The following KYAT1 variants were observed in gnomAD, a reference collection of about 807,000 sequenced individuals.
KYAT1 encodes the protein kynurenine aminotransferase 1, also known as kynurenine--oxoglutarate transaminase 1.
KYAT1 carries 47 observed loss-of-function variants against 52.4 expected under a neutral mutation model. The ratio of observed to expected loss-of-function variants is 0.90; its 90% CI spans 0.71 to 1.14. KYAT1 has a LOEUF of 1.14. Among genes scored for constraint, KYAT1 ranks in the 50% most tolerant of loss-of-function variants. KYAT1 has a pLI of 0.00. For missense variants in KYAT1, 480 were observed against 557.9 expected (o/e 0.86, Z 1.41); for synonymous variants, 212 against 209.6 (o/e 1.01, Z -0.10).
intron 2 of KYAT1, among the ~76,000 whole-genome samples, chr9:128,843,482 G>A (rs1247420757): frequency 9.2e-5 from 14 of 151,640 alleles, no homozygotes; most frequent in South Asian, 2.1e-4. Flanking sequence ...GAGGTCAAGC[G>A]ATTCTCATGC....
rs771636502 is a variant in KYAT1 at position 128,837,687 on chromosome 9, T to G, written c.565A>C (p.Lys189Gln). The change falls in exon 6 of 13, where the codon AAG becomes CAG. Residue 189 changes from lysine (K) to glutamine (Q), a missense_variant and splice_region_variant. Transcript: ENST00000302586. Reference sequence around the variant, plus strand: ...AGGGAAGGAGGTCCCTCCAGTACCTTGCCCAGGGGGTTGTTGGGGGTGTTG... The same window carrying G: ...AGGGAAGGAGGTCCCTCCAGTACCTGGCCCAGGGGGTTGTTGGGGGTGTTG... ...VLNTPNNPLGKVFSREELELV... is the reference protein window; with the variant it reads ...VLNTPNNPLGQVFSREELELV... 6.2e-7 allele frequency: 1 copy of G among 1,614,112 alleles called. No homozygotes were observed. The highest frequency in any genetic ancestry group is 8.5e-7 in the Non-Finnish European group (1 of 1,180,006).
chr9:128,857,618 T>C (rs929265885), intron 1 of KYAT1, among the ~76,000 whole-genome samples: 2 of 151,886 alleles, frequency 1.3e-5, no homozygotes, highest in Non-Finnish European at 2.9e-5. Flanking sequence ...AGGCGGATCA[T>C]AAGGTCAGGA....
chr9:128,836,509 G>A (rs1470389582), intron 7 of KYAT1, among the ~76,000 whole-genome samples: 1 of 152,144 alleles, frequency 6.6e-6, no homozygotes, highest in East Asian at 1.9e-4. Flanking sequence ...ATGTTGGCCA[G>A]GCTGGTCTCA....
intron 1 of KYAT1, among the ~76,000 whole-genome samples, chr9:128,873,302 G>A (rs1329360517): frequency 6.7e-6 from 1 of 149,758 alleles, no homozygotes; most frequent in Non-Finnish European, 1.5e-5. Context: ...CCGGGAATTG[G>A]AGACTAGCCT....
chr9:128,882,090 G>C (rs1047393669), upstream of KYAT1: 1 of 152,270 alleles, frequency 6.6e-6, no homozygotes, highest in Non-Finnish European at 1.5e-5. Context: ...TGGCCGCCGC[G>C]TTCGCGCCCG....
chr9:128,865,328 TA>T lies in KYAT1; in HGVS notation c.-7+16568del, dbSNP rs1564491390. ...GCCTACATATATATATATATATATA[TA>T]TATATATATATATATATATATATAT... On this transcript the variant is annotated intron_variant, in intron 1 of 12. Transcript: ENST00000302586. Among the ~76,000 whole-genome samples the T allele has an allele frequency of 5.1e-3, 186 of 36,636 alleles. 24 individuals are homozygous for T. The highest frequency in any genetic ancestry group is 7.0e-3 in the South Asian group (8 of 1,136). The allele number at this position is 36,636 out of a possible 152,430, so 24.0% of individuals were successfully genotyped here.
chr9:128,869,602 G>A (rs751232564), intron 1 of KYAT1, among the ~76,000 whole-genome samples: 7 of 151,958 alleles, frequency 4.6e-5, no homozygotes, highest in Non-Finnish European at 8.8e-5. Flanking sequence ...CAACAACTTC[G>A]AAAATTTTTA....
intron 1 of KYAT1, among the ~76,000 whole-genome samples, chr9:128,868,322 G>A (rs1458575099): frequency 1.3e-5 from 2 of 151,672 alleles, no homozygotes; most frequent in African/African-American, 2.4e-5. Flanking sequence ...CACCCACCTC[G>A]GCCTCCCAAA....
intron 1 of KYAT1, among the ~76,000 whole-genome samples, chr9:128,867,155 A>T (rs1222121301): frequency 6.6e-6 from 1 of 152,026 alleles, no homozygotes; most frequent in East Asian, 1.9e-4. Flanking sequence ...CCACTCTTTG[A>T]CTCAACACTT....
chr9:128,837,902 G>C, intron 5 of KYAT1, 89 bp from the exon 6 acceptor site: 1 of 1,527,624 alleles, frequency 6.5e-7, no homozygotes, highest in Non-Finnish European at 9.1e-7. Context: ...CTCTCCCCTG[G>C]GATCCCAACA....
intron 6 of KYAT1, 26 bp from the exon 7 acceptor site, chr9:128,836,948 A>T (rs754162376): frequency 6.2e-7 from 1 of 1,605,320 alleles, no homozygotes; most frequent in Admixed American, 1.7e-5. Flanking sequence ...GAGAGCACAG[A>T]CCTGCAGCTG....
intron 6 of KYAT1, among the ~76,000 whole-genome samples, chr9:128,837,131 T>C (rs889080363): frequency 1.3e-5 from 2 of 152,058 alleles, no homozygotes; most frequent in African/African-American, 4.8e-5. Flanking sequence ...CCGTCTCTAC[T>C]AAAAACACAA....
At position 128,836,931 on chromosome 9, in the gene KYAT1, G is replaced by A. The variant is rs376511420; in HGVS notation, c.568-9C>T. ...TCTTCCCTGGAGAACACCTGCAGAT[G>A]CCCAAGGAGAGCACAGACCTGCAGC... On this transcript the variant is annotated splice_polypyrimidine_tract_variant and intron_variant, in intron 6 of 12. Coordinates refer to ENST00000302586, the MANE Select transcript of KYAT1 (RefSeq NM_004059.5). 9.3e-6 allele frequency: 15 copies of A among 1,609,830 alleles called. No homozygotes were observed. Among genetic ancestry groups the A allele is most frequent in the African/African-American group, 4.0e-5 (3 of 74,898 alleles).
chr9:128,859,651 ATTTT>A (rs1216908299), intron 1 of KYAT1, among the ~76,000 whole-genome samples: 1 of 136,902 alleles, frequency 7.3e-6, no homozygotes, highest in Non-Finnish European at 1.6e-5. Flanking sequence ...TTGCCCAGCC[ATTTT>A]TTTTTTTTTT....
chr9:128,834,984 A>T (rs1830758268), intron 11 of KYAT1, among the ~76,000 whole-genome samples: 1 of 151,882 alleles, frequency 6.6e-6, no homozygotes, highest in Non-Finnish European at 1.5e-5. Context: ...AAAATACAAA[A>T]AAAATTAGCC....
chr9:128,847,779 C>T (rs1194239596), intron 1 of KYAT1: 2 of 397,024 alleles, frequency 5.0e-6, no homozygotes, highest in African/African-American at 4.1e-5. Context: ...ATACAATACA[C>T]CCCCCAGCAA....
At chr9:128,856,303 G>T (rs776358340) in intron 1 of KYAT1, among the ~76,000 whole-genome samples, 2 of 152,162 alleles carry the variant, frequency 1.3e-5, no homozygotes, top group Non-Finnish European at 2.9e-5. Flanking sequence ...ACCACTGGAA[G>T]TTCCACTATT....
At position 128,835,821 on chromosome 9, in the gene KYAT1, G is replaced by A. The variant is rs754018813; in HGVS notation, c.813C>T (p.Thr271=). Residue 271 remains threonine, a synonymous_variant, in exon 9 of 13, where the codon ACC becomes ACT. Coordinates refer to ENST00000302586, the MANE Select transcript of KYAT1 (RefSeq NM_004059.5). ...GPDHIMKHLR[T]VHQNSVFHCP... is the part of the protein sequence containing the mutation. ...AGTGGAAGACGGAGTTCTGGTGCAC[G>A]GTCCGCAGGTGCTTCATGATGTGAT... is the stretch of plus-strand genomic sequence containing the variant. 5 of 1,613,798 alleles carry A rather than the reference G, an allele frequency of 3.1e-6. No homozygotes were observed. The highest frequency in any genetic ancestry group is 1.3e-5 in the African/African-American group (1 of 74,920).
At chr9:128,850,647 C>G (rs1219365567) in intron 1 of KYAT1, among the ~76,000 whole-genome samples, 3 of 152,140 alleles carry the variant, frequency 2.0e-5, no homozygotes, top group African/African-American at 7.2e-5. Context: ...ACCTGACCGT[C>G]CCCCAGCCCA....
Sources: allele counts gnomAD v4.1 joint callset (sites outside exome capture counted in the v4.1 genomes callset), GRCh38; gene constraint gnomAD v4.1.1; transcripts MANE v1.5; gene names NCBI Gene and HGNC (gene_info 2026-07-23, HGNC 2026-07-21).